The following CHSY1 variants were observed in gnomAD, a reference collection of about 807,000 sequenced individuals.
CHSY1 encodes N-acetylgalactosaminyl-proteoglycan 3-beta-glucuronosyltransferase 1.
In CHSY1, 13 loss-of-function variants were observed where a neutral mutation model predicts 59.8. The observed-to-expected ratio is 0.22, with a 90% CI of 0.14 to 0.35. The LOEUF (loss-of-function observed/expected upper bound fraction) is 0.35. Ranked by LOEUF, CHSY1 falls within the 10% of genes least tolerant of loss-of-function variation. CHSY1 has a pLI of 1.00. For missense variants in CHSY1, 947 were observed against 1,030.6 expected (o/e 0.92, Z 1.11); for synonymous variants, 459 against 401.2 (o/e 1.14, Z -1.72).
chr15:101,189,134 A>T (rs918195630), intron 2 of CHSY1, among the ~76,000 whole-genome samples: 1 of 152,260 alleles, frequency 6.6e-6, no homozygotes, highest in Non-Finnish European at 1.5e-5. Context: ...CGCGAACACA[A>T]GATCGAGCCG....
rs758496831 is a variant in CHSY1, at chr15:101,178,050, G to C, written c.1747C>G (p.Gln583Glu). 1 of 1,614,160 alleles carries C rather than the reference G, an allele frequency of 6.2e-7. No homozygotes were observed. The highest frequency in any genetic ancestry group is 2.2e-5 in the East Asian group (1 of 44,892). The stretch of plus-strand genomic sequence containing the variant: ...CGGTAATCTCTCATCAGTTCAACTT[G>C]TTTGGCCTTGTCAGGGTTGGAGTCA... ...NSDSNPDKAK[Q>E]VELMRDYRIK... is the part of the protein sequence containing the mutation. The change falls in exon 3 of 3, where the codon CAA (glutamine) becomes GAA (glutamate). Residue 583 changes from glutamine (Q) to glutamate (E), a missense_variant. Transcript: ENST00000254190.
At chr15:101,234,739 T>C (rs1041930685) in intron 2 of CHSY1, among the ~76,000 whole-genome samples, 1 of 152,092 alleles carries the variant, frequency 6.6e-6, no homozygotes, top group Non-Finnish European at 1.5e-5. Flanking sequence ...TGGTGGCGCC[T>C]GCCTATAATC....
At chr15:101,224,013 C>T (rs112793859) in intron 2 of CHSY1, among the ~76,000 whole-genome samples, 6,928 of 152,312 alleles carry the variant, frequency 0.045, 414 homozygotes, top group African/African-American at 0.14. Context: ...TTTAGAAATA[C>T]AAACACTTAC....
At chr15:101,235,675 G>C (rs2038934323) in intron 1 of CHSY1, 98 bp from the exon 2 acceptor site, 5 of 1,375,516 alleles carry the variant, frequency 3.6e-6, no homozygotes, top group Non-Finnish European at 5.1e-6. Context: ...GTGTTCAATG[G>C]AATGATAAAA....
At chr15:101,202,936 A>G (rs1052974662) in intron 2 of CHSY1, among the ~76,000 whole-genome samples, 5 of 152,234 alleles carry the variant, frequency 3.3e-5, no homozygotes, top group Admixed American at 2.6e-4. Context: ...ATGTAGACCT[A>G]AATTCCACAT....
At chr15:101,231,538 T>G (rs967144959) in intron 2 of CHSY1, among the ~76,000 whole-genome samples, 1 of 152,216 alleles carries the variant, frequency 6.6e-6, no homozygotes, top group East Asian at 1.9e-4. Flanking sequence ...ATTTTAAAGC[T>G]GTCAAATCCA....
At chr15:101,189,799 AC>A (rs772240732) in intron 2 of CHSY1, among the ~76,000 whole-genome samples, 100 of 152,132 alleles carry the variant, frequency 6.6e-4, no homozygotes, top group Non-Finnish European at 1.2e-3. Flanking sequence ...AAACCCAACC[AC>A]CCCCACCACC....
chr15:101,205,436 T>C (rs185758066), intron 2 of CHSY1, among the ~76,000 whole-genome samples: 7 of 152,280 alleles, frequency 4.6e-5, no homozygotes, highest in South Asian at 4.1e-4. Flanking sequence ...TAGTAATCAA[T>C]TGACATAGAC....
chr15:101,250,222 G>A (rs1032290961), intron 1 of CHSY1, among the ~76,000 whole-genome samples: 1 of 152,166 alleles, frequency 6.6e-6, no homozygotes, highest in Non-Finnish European at 1.5e-5. Context: ...CTCTGTGGCT[G>A]GATAAGACCC....
intron 2 of CHSY1, among the ~76,000 whole-genome samples, chr15:101,233,593 G>A (rs72768578): frequency 0.1 from 15,409 of 152,198 alleles, 1,023 homozygotes; most frequent in Middle Eastern, 0.18. Context: ...AATCCGTGAC[G>A]ACAGAGAGAT....
intron 2 of CHSY1, among the ~76,000 whole-genome samples, chr15:101,191,705 C>T (rs1596432807): frequency 1.3e-5 from 2 of 152,178 alleles, no homozygotes; most frequent in African/African-American, 4.8e-5. Context: ...GCACATTCCA[C>T]TCAATTTCGC....
chr15:101,205,814 G>A (rs990294790), intron 2 of CHSY1, among the ~76,000 whole-genome samples: 40 of 152,204 alleles, frequency 2.6e-4, no homozygotes, highest in African/African-American at 9.4e-4. Context: ...AGCTGGGCGT[G>A]GTGGTGGGCG....
chr15:101,181,950 C>A (rs1288405320), intron 2 of CHSY1, among the ~76,000 whole-genome samples: 2 of 152,008 alleles, frequency 1.3e-5, no homozygotes, highest in Non-Finnish European at 2.9e-5. Flanking sequence ...TGCATTCTTA[C>A]AATAAAGGAA....
chr15:101,232,608 G>A (rs901211279), intron 2 of CHSY1, among the ~76,000 whole-genome samples: 10 of 152,230 alleles, frequency 6.6e-5, no homozygotes, highest in East Asian at 3.9e-4. Flanking sequence ...AGCACAAACC[G>A]TAATGGAAAA....
intron 2 of CHSY1, among the ~76,000 whole-genome samples, chr15:101,220,405 G>A (rs896621590): frequency 6.6e-6 from 1 of 152,190 alleles, no homozygotes; most frequent in East Asian, 1.9e-4. Flanking sequence ...CCTTTACCAG[G>A]AACCCTATCC....
intron 2 of CHSY1, among the ~76,000 whole-genome samples, chr15:101,209,573 T>C (rs757496283): frequency 6.6e-6 from 1 of 151,828 alleles, no homozygotes; most frequent in Non-Finnish European, 1.5e-5. Context: ...CAATATTCCA[T>C]GGGAAAAAAA....
At chr15:101,182,340 G>A (rs1023389609) in intron 2 of CHSY1, among the ~76,000 whole-genome samples, 3 of 152,184 alleles carry the variant, frequency 2.0e-5, no homozygotes, top group African/African-American at 7.2e-5. Context: ...TTCAGGTGGG[G>A]ATGATTAGTG....
At chr15:101,223,991 T>C (rs1002574668) in intron 2 of CHSY1, among the ~76,000 whole-genome samples, 1 of 152,278 alleles carries the variant, frequency 6.6e-6, no homozygotes, top group East Asian at 1.9e-4. Context: ...ACCTTTCATA[T>C]GTTGTGATAT....
At chr15:101,222,356 T>C (rs2038798155) in intron 2 of CHSY1, among the ~76,000 whole-genome samples, 1 of 152,214 alleles carries the variant, frequency 6.6e-6, no homozygotes, top group Non-Finnish European at 1.5e-5. Context: ...CAAGACAATT[T>C]TGGATTTAAA....
Sources: allele counts gnomAD v4.1 joint callset (sites outside exome capture counted in the v4.1 genomes callset), GRCh38; gene constraint gnomAD v4.1.1; transcripts MANE v1.5; gene names NCBI Gene and HGNC (gene_info 2026-07-23, HGNC 2026-07-21).